The following TOM1L2 variants were observed in gnomAD, a reference collection of about 807,000 sequenced individuals.
TOM1L2 encodes target of myb1 like 2 membrane trafficking protein.
A neutral mutation model predicts 67.9 loss-of-function variants in TOM1L2; 31 were observed. That is an observed-to-expected ratio of 0.46 (90% CI 0.34 to 0.62). The LOEUF (loss-of-function observed/expected upper bound fraction) is 0.62. TOM1L2 is among the 20% of genes least tolerant of loss of function. The pLI is 0.01. For synonymous variants in TOM1L2, 256 were observed against 254.0 expected (o/e 1.01, Z -0.07); for missense variants, 606 against 663.5 (o/e 0.91, Z 0.95).
rs572468592 is a variant in TOM1L2 at position 17,902,903 on chromosome 17, A to G, written c.138-4229T>C. Among the ~76,000 whole-genome samples, 4 of 152,330 alleles carry G rather than the reference A, an allele frequency of 2.6e-5. 1 individual carries two copies. Among genetic ancestry groups the G allele is most frequent in the East Asian group, 3.9e-4 (2 of 5,190 alleles). ...TAGGTATTATTGGCAACCCCATTTTATAAGTGAGGAAATGGGACACAGACA... is the reference window on the plus strand; with the variant it reads ...TAGGTATTATTGGCAACCCCATTTTGTAAGTGAGGAAATGGGACACAGACA... On this transcript the variant is annotated intron_variant, in intron 2 of 14. Coordinates refer to ENST00000379504, the MANE Select transcript of TOM1L2 (RefSeq NM_001082968.2).
At chr17:17,972,086 G>A (rs2042125351) in intron 1 of TOM1L2, among the ~76,000 whole-genome samples, 176 bp downstream of exon 1, 1 of 151,520 alleles carries the variant, frequency 6.6e-6, no homozygotes, top group Non-Finnish European at 1.5e-5. Context: ...TGGCACAAGC[G>A]CCCGGCAAAG....
chr17:17,940,311 G>C (rs1568333701), intron 1 of TOM1L2, among the ~76,000 whole-genome samples: 1 of 151,602 alleles, frequency 6.6e-6, no homozygotes, highest in Non-Finnish European at 1.5e-5. Flanking sequence ...TATAGCAAGA[G>C]TAATCAATAA....
chr17:17,961,698 C>G (rs539018321), intron 1 of TOM1L2, among the ~76,000 whole-genome samples: 3 of 152,112 alleles, frequency 2.0e-5, no homozygotes, highest in Admixed American at 2.0e-4. Flanking sequence ...ACGATGAAAC[C>G]CTGTCTCTAC....
Position 17,907,360 on chromosome 17 carries a change from T to C in TOM1L2, c.137+87A>G. ...AACATACTAGGAACAAAACAAAAAA[T>C]AAAACCTGCCACCCTTAGGCCCTGA... On this transcript the variant is annotated intron_variant, in intron 2 of 14. Transcript: ENST00000379504. 3 of 1,236,330 alleles carry C rather than the reference T, an allele frequency of 2.4e-6. No homozygotes were observed. In the East Asian group the frequency reaches 7.2e-5, roughly 30 times the overall value. 76.6% of individuals were successfully genotyped at this position (1,236,330 alleles called of 1,614,324 possible).
At chr17:17,923,214 T>A (rs11869536) in intron 1 of TOM1L2, among the ~76,000 whole-genome samples, 74,088 of 151,894 alleles carry the variant, frequency 0.49, 19,125 homozygotes, top group East Asian at 0.86. Flanking sequence ...CCTGGCCAAC[T>A]TGATGAAATC....
chr17:17,892,094 A>G (rs1315205962), intron 4 of TOM1L2, among the ~76,000 whole-genome samples: 1 of 152,158 alleles, frequency 6.6e-6, no homozygotes, highest in African/African-American at 2.4e-5. Flanking sequence ...GGATGATGTG[A>G]GACAGAGAGT....
intron 1 of TOM1L2, among the ~76,000 whole-genome samples, chr17:17,945,462 T>A (rs1227761762): frequency 6.6e-6 from 1 of 152,232 alleles, no homozygotes; most frequent in South Asian, 2.1e-4. Flanking sequence ...TGGATTTCAA[T>A]GTGCAATACC....
intron 8 of TOM1L2, among the ~76,000 whole-genome samples, chr17:17,867,384 C>T (rs535156281): frequency 1.3e-4 from 20 of 152,170 alleles, no homozygotes; most frequent in Non-Finnish European, 2.5e-4. Flanking sequence ...GGAAGGCGGA[C>T]GCATGGCCCT....
At chr17:17,926,731 G>A (rs993538537) in intron 1 of TOM1L2, among the ~76,000 whole-genome samples, 7 of 151,910 alleles carry the variant, frequency 4.6e-5, no homozygotes, top group African/African-American at 1.2e-4. Flanking sequence ...GGTAGCACAC[G>A]CCTGTAATCC....
rs753756874 is a variant in TOM1L2 at position 17,862,843 on chromosome 17, C to T, written c.1090G>A (p.Gly364Arg). ...LSSQLAGLDL[G>R]TESVSGTLSS... Reference sequence around the variant, plus strand: ...AGGGTGCCACTGACGCTCTCTGTCCCCAAGTCTGTGGCAACAAAACAAATG... The same window carrying T: ...AGGGTGCCACTGACGCTCTCTGTCCTCAAGTCTGTGGCAACAAAACAAATG... Residue 364 changes from glycine (G) to arginine (R), a missense_variant, in exon 11 of 15, where the codon GGG becomes AGG. Around this residue, in one of 2 missense-constraint regions of TOM1L2, gnomAD observed 543 missense variants for 554.0 expected, o/e 0.98. Transcript: ENST00000379504. 20 of 1,613,806 alleles carry T rather than the reference C, an allele frequency of 1.2e-5. No individual in the cohort carries two copies. The South Asian group carries it at 2.2e-4, about 18-fold the overall frequency.
chr17:17,904,022 G>A (rs1459151820), intron 2 of TOM1L2, among the ~76,000 whole-genome samples: 2 of 148,158 alleles, frequency 1.3e-5, no homozygotes, highest in Non-Finnish European at 2.9e-5. Flanking sequence ...TTTAAGATAT[G>A]GGGTCTCACT....
At chr17:17,934,115 T>C (rs1477829873) in intron 1 of TOM1L2, among the ~76,000 whole-genome samples, 6 of 152,198 alleles carry the variant, frequency 3.9e-5, no homozygotes, top group Admixed American at 3.9e-4. Flanking sequence ...TTATATTTTA[T>C]ATTAAAAGTA....
At chr17:17,912,149 G>A (rs1364275551) in intron 1 of TOM1L2, among the ~76,000 whole-genome samples, 13 of 141,984 alleles carry the variant, frequency 9.2e-5, no homozygotes, top group East Asian at 2.1e-4. Flanking sequence ...CATCATGGCC[G>A]GTTCTCAATG....
intron 1 of TOM1L2, among the ~76,000 whole-genome samples, chr17:17,964,192 C>T (rs1241840630): frequency 6.6e-6 from 1 of 152,124 alleles, no homozygotes; most frequent in African/African-American, 2.4e-5. Context: ...AAAGTCGCCT[C>T]TTTTAACCTC....
chr17:17,879,507 T>C (rs1424285954), intron 7 of TOM1L2, 120 bp downstream of exon 7: 2 of 767,708 alleles, frequency 2.6e-6, no homozygotes, highest in Non-Finnish European at 4.6e-6. Flanking sequence ...ACATGGACTA[T>C]CAACAACAGG....
intron 1 of TOM1L2, among the ~76,000 whole-genome samples, chr17:17,927,533 T>C (rs767031647): frequency 3.3e-5 from 5 of 152,206 alleles, no homozygotes; most frequent in Admixed American, 1.3e-4. Flanking sequence ...CAAATAAACA[T>C]TTGGCCTCGT....
At chr17:17,933,998 A>C (rs1346110180) in intron 1 of TOM1L2, among the ~76,000 whole-genome samples, 1 of 152,204 alleles carries the variant, frequency 6.6e-6, no homozygotes, top group Non-Finnish European at 1.5e-5. Context: ...GCTTGCCCCT[A>C]ATCCACAGAC....
intron 9 of TOM1L2, among the ~76,000 whole-genome samples, 164 bp downstream of exon 9, chr17:17,866,712 G>T (rs193079680): frequency 3.9e-5 from 6 of 152,276 alleles, no homozygotes; most frequent in African/African-American, 1.4e-4. Flanking sequence ...CCCATCAGGG[G>T]TGCCTGCTAG....
At chr17:17,955,250 G>A (rs1377652435) in intron 1 of TOM1L2, among the ~76,000 whole-genome samples, 2 of 150,792 alleles carry the variant, frequency 1.3e-5, no homozygotes, top group African/African-American at 2.5e-5. Flanking sequence ...CAATATGGTG[G>A]TCACCGGCAG....
Sources: allele counts gnomAD v4.1 joint callset (sites outside exome capture counted in the v4.1 genomes callset), GRCh38; gene constraint gnomAD v4.1.1; regional missense constraint gnomAD v4.1.1; transcripts MANE v1.5; gene names NCBI Gene and HGNC (gene_info 2026-07-23, HGNC 2026-07-21).